Variants in HLX observed in about 807,000 individuals in gnomAD.
The protein encoded by HLX is H2.0 like homeobox, also known as H2.0-like homeobox protein.
A neutral mutation model predicts 27.7 loss-of-function variants in HLX; 6 were observed. That is an observed-to-expected ratio of 0.22 (90% confidence interval 0.12 to 0.43). The LOEUF (loss-of-function observed/expected upper bound fraction) is 0.43, where lower values mean the gene tolerates loss of function less well. HLX is among the 20% of genes least tolerant of loss of function. The pLI, the probability that HLX is intolerant of heterozygous loss-of-function variation, is 1.00. For synonymous variants in HLX, 328 were observed against 293.8 expected, an observed-to-expected ratio of 1.12 and a Z score of -1.19; for missense variants, 666 against 655.2, an observed-to-expected ratio of 1.02 and a Z score of -0.18.
At chr1:220,882,636 G>A (rs1158261408) in intron 3 of HLX, 1 of 443,466 alleles carries the variant, frequency 2.3e-6, no homozygotes, top group East Asian at 4.1e-5. Flanking sequence ...GAAAGCAAAA[G>A]GGCCGCTGGA....
Position 220,884,667 on chromosome 1 carries a change from G to T in HLX, c.1430G>T (p.Ser477Ile). Residue 477 changes from serine to isoleucine, a missense_variant, in exon 4 of 4, where the codon AGC becomes ATC. By Grantham distance (142) the Ser-to-Ile change is moderately radical (BLOSUM62 -2). Transcript: ENST00000366903. This position sits in a 1 kb window ranked among gnomAD's most constrained non-coding sequence, Gnocchi z 4.9. ...TQPTASSAPK[S>I]PEPAQGALGC... ...CCCACAGCCAGCAGCGCTCCCAAAA[G>T]CCCCGAGCCAGCCCAAGGCGCGCTT... The T allele has an allele frequency of 6.2e-7, 1 of 1,610,904 alleles. No homozygotes were observed. Among genetic ancestry groups the T allele is most frequent in the South Asian group, 1.1e-5 (1 of 90,994 alleles).
intron 3 of HLX, chr1:220,883,833 T>C (rs947384621): frequency 3.4e-6 from 1 of 290,272 alleles, no homozygotes. Context: ...CAGATTCTCA[T>C]GGGGGTCCTG....
chr1:220,884,189 G>C lies in HLX; in HGVS notation c.958-6G>C. On this transcript the variant is annotated splice_region_variant and splice_polypyrimidine_tract_variant and intron_variant, in intron 3 of 3. Coordinates refer to ENST00000366903, the MANE Select transcript of HLX (RefSeq NM_021958.4). The surrounding 1 kb of genome is among the most constrained non-coding windows in gnomAD (Gnocchi z 4.9). ...TCTTCTTGTCTCCCGGTGTGGCGCG[G>C]CGCAGGTGAAGGTGTGGTTCCAGAA... 1 of 1,613,890 alleles carries C rather than the reference G, an allele frequency of 6.2e-7. No individual in the cohort carries two copies. Among genetic ancestry groups the C allele is most frequent in the Non-Finnish European group, 8.5e-7 (1 of 1,179,962 alleles).
intron 2 of HLX, chr1:220,881,719 G>T: frequency 2.4e-6 from 1 of 413,188 alleles, no homozygotes; most frequent in South Asian, 2.1e-5. Context: ...AAACACTTGT[G>T]CTTGGCGAGT....
intron 2 of HLX, chr1:220,881,787 C>G (rs1020218158): frequency 2.1e-4 from 85 of 396,166 alleles, no homozygotes; most frequent in African/African-American, 1.6e-3. Context: ...CACACACACA[C>G]ACACACACAC....
At chr1:220,882,003 C>A in intron 2 of HLX, 161 bp from the exon 3 acceptor site, 2 of 725,238 alleles carry the variant, frequency 2.8e-6, no homozygotes, top group Non-Finnish European at 5.0e-6. Context: ...CTTAGAGGGG[C>A]CATTCGGTGT....
rs748690009 is a variant in HLX, at chr1:220,884,254, C to T, written c.1017C>T (p.Ala339=). 8 of 1,613,892 alleles carry T rather than the reference C, an allele frequency of 5.0e-6. No homozygotes were observed. The East Asian group carries it at 8.9e-5, about 18-fold the overall frequency. The part of the protein sequence containing the change: ...MKWRHSKEAQ[A]QKDKDKEAGE... ...GGCGGCACTCCAAGGAGGCCCAGGC[C>T]CAAAAGGACAAGGACAAGGAGGCTG... The change falls in exon 4 of 4, where the codon GCC becomes GCT. Residue 339 remains alanine (A), a synonymous_variant. Coordinates refer to ENST00000366903, the MANE Select transcript of HLX (RefSeq NM_021958.4). This position sits in a 1 kb window ranked among gnomAD's most constrained non-coding sequence, Gnocchi z 4.9.
chr1:220,881,109 G>A, intron 1 of HLX, 85 bp from the exon 2 acceptor site: 1 of 1,231,634 alleles, frequency 8.1e-7, no homozygotes, highest in Admixed American at 1.9e-5. Flanking sequence ...AGTGAATCCA[G>A]GGCAAGGGGA....
Position 220,884,794 on chromosome 1 carries a change from T to C in HLX, c.*90T>C. On this transcript the variant is annotated 3_prime_UTR_variant, in exon 4 of 4. Transcript: ENST00000366903. The surrounding 1 kb of genome is among the most constrained non-coding windows in gnomAD (Gnocchi z 4.9). ...TGCTTACTGTATGTTGGCGACTTGG[T>C]AGGGCAGGAGACGCAGCGTGGAGCC... The C allele has an allele frequency of 9.1e-6, 14 of 1,539,296 alleles. No individual in the cohort carries two copies. The South Asian group carries it at 1.7e-4, about 18-fold the overall frequency.
At position 220,882,264 on chromosome 1, in the gene HLX, G is replaced by A. The variant is rs1674472824; in HGVS notation, c.873G>A (p.Leu291=). The change falls in exon 3 of 4, where the codon CTG becomes CTA. Residue 291 remains leucine (L), a synonymous_variant. Coordinates refer to ENST00000366903, the MANE Select transcript of HLX (RefSeq NM_021958.4). ...TCTCCAACCTGCAGAGGAAAGGCCTGGAGAAAAGGTTTGAGATTCAGAAGT... is the reference window on the plus strand; with the variant it reads ...TCTCCAACCTGCAGAGGAAAGGCCTAGAGAAAAGGTTTGAGATTCAGAAGT... ...AVFSNLQRKG[L]EKRFEIQKYV... The A allele has an allele frequency of 6.2e-7, 1 of 1,614,252 alleles. No homozygotes were observed. Among genetic ancestry groups the A allele is most frequent in the East Asian group, 2.2e-5 (1 of 44,886 alleles).
chr1:220,880,226 C>T lies in HLX; in HGVS notation c.369C>T (p.His123=). 1.2e-6 allele frequency: 2 copies of T among 1,612,056 alleles called. No individual in the cohort carries two copies. The highest frequency in any genetic ancestry group is 8.5e-7 in the Non-Finnish European group (1 of 1,178,882). Residue 123 remains histidine, a synonymous_variant, in exon 1 of 4, where the codon CAC becomes CAT. Transcript: ENST00000366903. ...SPLSAAYHHH[H]PQQQQQQQQP... is the part of the protein sequence containing the mutation. ...TCTCAGCCGCCTACCACCACCATCA[C>T]CCGCAACAACAACAGCAGCAGCAAC... is the stretch of plus-strand genomic sequence containing the variant.
chr1:220,881,052 G>C (rs993082096), intron 1 of HLX, 142 bp from the exon 2 acceptor site: 40 of 759,526 alleles, frequency 5.3e-5, no homozygotes, highest in Non-Finnish European at 8.3e-5. Flanking sequence ...TTGGGAGAGA[G>C]AGGTTTCAGC....
rs1181394777 is a variant in HLX at position 220,880,949 on chromosome 1, A to G, written c.593-245A>G. The G allele has an allele frequency of 2.5e-5, 13 of 513,744 alleles. No individual in the cohort carries two copies. The Admixed American group carries it at 4.8e-4, about 19-fold the overall frequency. The allele number at this position is 513,744 out of a possible 1,614,324, so 31.8% of individuals were successfully genotyped here. A position where few individuals can be genotyped will look rare whatever the true frequency, so the allele number is the denominator to read the frequency against. On this transcript the variant is annotated intron_variant, in intron 1 of 3. Transcript: ENST00000366903. Reference sequence around the variant, plus strand: ...GAAGACACGTGAAAGTGAGGCCGTAAGCCGATTTATGTAAAGCCTTTACTT... The same window carrying G: ...GAAGACACGTGAAAGTGAGGCCGTAGGCCGATTTATGTAAAGCCTTTACTT...
intron 2 of HLX, chr1:220,881,668 C>T (rs1035080282): frequency 1.6e-5 from 8 of 500,926 alleles, no homozygotes; most frequent in African/African-American, 1.4e-4. Flanking sequence ...AATGCAGCAT[C>T]AATGTTGCTT....
intron 3 of HLX, chr1:220,882,842 G>C: frequency 5.9e-6 from 1 of 170,388 alleles, no homozygotes; most frequent in Non-Finnish European, 1.3e-5. Flanking sequence ...AATTTCAAAC[G>C]GAATTAGTTA....
In HLX at chr1:220,879,673, C is replaced by T; in HGVS notation, c.-185C>T. The stretch of plus-strand genomic sequence containing the variant: ...AGCGAGGCGGTGACCGGCCGAGATC[C>T]GGCCCTCGCCTCCTCCCTCGGTGGC... On this transcript the variant is annotated 5_prime_UTR_variant, in exon 1 of 4. Coordinates refer to ENST00000366903, the MANE Select transcript of HLX (RefSeq NM_021958.4). 1 of 953,620 alleles carries T rather than the reference C, an allele frequency of 1.0e-6. No individual in the cohort carries two copies. Among genetic ancestry groups the T allele is most frequent in the Non-Finnish European group, 1.5e-6 (1 of 687,624 alleles). 59.1% of individuals were successfully genotyped at this position (953,620 alleles called of 1,614,324 possible).
In HLX at chr1:220,884,821, A is replaced by C; in HGVS notation, c.*117A>C. The C allele has an allele frequency of 6.9e-7, 1 of 1,454,986 alleles. No homozygotes were observed. Among genetic ancestry groups the C allele is most frequent in the Non-Finnish European group, 9.2e-7 (1 of 1,091,942 alleles). The allele number at this position is 1,454,986 out of a possible 1,614,324, so 90.1% of individuals were successfully genotyped here. ...GGGCAGGAGACGCAGCGTGGAGCCT[A>C]CCTCCCGACATTCACGCTTCGCCCC... On this transcript the variant is annotated 3_prime_UTR_variant, in exon 4 of 4. Transcript: ENST00000366903. This position sits in a 1 kb window ranked among gnomAD's most constrained non-coding sequence, Gnocchi z 4.9.
intron 1 of HLX, 38 bp downstream of exon 1, chr1:220,880,487 T>C: frequency 6.2e-7 from 1 of 1,610,456 alleles, no homozygotes; most frequent in Non-Finnish European, 8.5e-7. Context: ...CTCTGACCAC[T>C]GACCCACTCC....
intron 3 of HLX, chr1:220,883,089 C>G (rs1674493754): frequency 6.6e-6 from 1 of 151,556 alleles, no homozygotes; most frequent in African/African-American, 2.4e-5. Flanking sequence ...CTGGGCTTCC[C>G]CACCCCCCAC....
Sources: gnomAD v4.1 joint callset for allele counts on GRCh38, gnomAD v4.1.1 for gene constraint, Gnocchi (gnomAD v3.1) non-coding constraint, MANE v1.5 for transcripts, NCBI Gene and HGNC (gene_info 2026-07-23, HGNC 2026-07-21) for gene names.